KIAA0319: variants seen among roughly 807,000 people sequenced by gnomAD.
KIAA0319 encodes the protein KIAA0319.
A neutral mutation model predicts 108.4 loss-of-function variants in KIAA0319; 83 were observed. That is an observed-to-expected ratio of 0.77 (90% CI 0.64 to 0.92). KIAA0319 has a LOEUF of 0.92. KIAA0319 is among the 40% of genes least tolerant of loss of function. The pLI is 0.00. For missense variants in KIAA0319, 1,195 were observed against 1,322.4 expected, an observed-to-expected ratio of 0.90 and a Z score of 1.49; for synonymous variants, 484 against 510.4, an observed-to-expected ratio of 0.95 and a Z score of 0.70.
intron 3 of KIAA0319, 44 bp downstream of exon 3, chr6:24,595,803 AACTCAGCCCCTCCTACGGTCTGCCCC>A (rs2127521751): frequency 2.0e-6 from 3 of 1,497,870 alleles, no homozygotes; most frequent in African/African-American, 1.4e-5. Context: ...CGGCTCCTGA[AACTCAGCCCCTCCTACGGTCTGCCCC>A]ACTCAGCCCA....
chr6:24,630,150 G>A (rs1335671638), intron 1 of KIAA0319, among the ~76,000 whole-genome samples: 2 of 151,994 alleles, frequency 1.3e-5, no homozygotes, highest in Non-Finnish European at 2.9e-5. Context: ...CTGCACTCTA[G>A]CCTGGGTGAC....
Position 24,578,186 on chromosome 6 carries a change from A to AGG in KIAA0319, c.1427_1428dup (p.Phe477ProfsTer3). The AGG allele has an allele frequency of 6.3e-7, 1 of 1,598,272 alleles. No homozygotes were observed. Among genetic ancestry groups the AGG allele is most frequent in the Non-Finnish European group, 8.6e-7 (1 of 1,165,972 alleles). Reference sequence around the variant, plus strand: ...TCAACTGAAGTCTTCTCTTCTATGAAGGGCCCGTTTATTTCTTCCCAATGA... The same window carrying AGG: ...TCAACTGAAGTCTTCTCTTCTATGAAGGGGGCCCGTTTATTTCTTCCCAATGA... On this transcript the variant is annotated frameshift_variant, in exon 9 of 21. Transcript: ENST00000378214. LOFTEE classifies it high-confidence loss of function.
chr6:24,572,791 T>G (rs1465195632), intron 10 of KIAA0319, 93 bp from the exon 11 acceptor site: 9 of 1,194,274 alleles, frequency 7.5e-6, no homozygotes, highest in Non-Finnish European at 9.1e-6. Context: ...AAACTAACAA[T>G]TTTACTTAAT....
intron 1 of KIAA0319, among the ~76,000 whole-genome samples, chr6:24,643,206 G>A (rs1777187937): frequency 6.6e-6 from 1 of 152,162 alleles, no homozygotes; most frequent in Non-Finnish European, 1.5e-5. Context: ...GATGCCAGAT[G>A]TTACTCTGGC....
chr6:24,583,591 G>T lies in KIAA0319; in HGVS notation c.1093+13C>A. ...CAGTTCCTAGTGGTCAGGGAGGAAG[G>T]TTAAACTCTCACCTACAGGTGGCGC... On this transcript the variant is annotated intron_variant, in intron 5 of 20. Coordinates refer to ENST00000378214, the MANE Select transcript of KIAA0319 (RefSeq NM_014809.4). 6.3e-7 allele frequency: 1 copy of T among 1,589,242 alleles called. No individual in the cohort carries two copies. Among genetic ancestry groups the T allele is most frequent in the Non-Finnish European group, 8.6e-7 (1 of 1,157,956 alleles).
At position 24,621,371 on chromosome 6, in the gene KIAA0319, G is replaced by C. The variant is rs116202062; in HGVS notation, c.-105-20163C>G. On this transcript the variant is annotated intron_variant, in intron 1 of 20. Transcript: ENST00000378214. ...TTGCAGCAACAGACCAAGCCCCCAA[G>C]TGTTCATTAAAAAGAGAATTGAGCT... Among the ~76,000 whole-genome samples, 1,106 of 152,218 alleles carry C rather than the reference G, an allele frequency of 7.3e-3. 13 individuals are homozygous for C. The highest frequency in any genetic ancestry group is 7.6e-3 in the Non-Finnish European group (516 of 68,030).
At chr6:24,626,440 G>A (rs1055283631) in intron 1 of KIAA0319, among the ~76,000 whole-genome samples, 4 of 152,150 alleles carry the variant, frequency 2.6e-5, no homozygotes, top group Non-Finnish European at 4.4e-5. Context: ...GCTGAGGCAC[G>A]AGAATCGCTT....
In KIAA0319 at chr6:24,547,238, CCT is replaced by C. The variant is rs1438254833; in HGVS notation, c.3144_3145del (p.Gly1049GlufsTer54). 3.1e-6 allele frequency: 5 copies of C among 1,614,092 alleles called. No homozygotes were observed. Among genetic ancestry groups the C allele is most frequent in the Admixed American group, 3.3e-5 (2 of 60,010 alleles). On this transcript the variant is annotated frameshift_variant, in exon 21 of 21. Coordinates refer to ENST00000378214, the MANE Select transcript of KIAA0319 (RefSeq NM_014809.4). LOFTEE classifies it low-confidence loss of function (END_TRUNC). ...ACCATTCATGGAAACCTTTGGATTC[CCT>C]CTCTCCATCTTTTCTCGGCTGAAGA...
At chr6:24,558,222 G>C (rs1762569002) in intron 17 of KIAA0319, among the ~76,000 whole-genome samples, 1 of 151,762 alleles carries the variant, frequency 6.6e-6, no homozygotes, top group Non-Finnish European at 1.5e-5. Flanking sequence ...GGCCAACATG[G>C]CTAAGGCTCT....
In KIAA0319 at chr6:24,601,192, A is replaced by G; in HGVS notation, c.-89T>C. The G allele has an allele frequency of 6.4e-7, 1 of 1,565,640 alleles. No individual in the cohort carries two copies. Among genetic ancestry groups the G allele is most frequent in the South Asian group, 1.2e-5 (1 of 83,640 alleles). ...CTTCCTTTGATGTTTTTTAGGAGCC[A>G]GATTTGGCCTCAAGAACTTCAAAGG... On this transcript the variant is annotated 5_prime_UTR_variant, in exon 2 of 21. Transcript: ENST00000378214.
At chr6:24,605,330 A>T (rs897336614) in intron 1 of KIAA0319, among the ~76,000 whole-genome samples, 3 of 152,048 alleles carry the variant, frequency 2.0e-5, no homozygotes, top group Non-Finnish European at 4.4e-5. Context: ...TCACTGTGGC[A>T]CCCCCACCCT....
At chr6:24,561,934 C>G (rs1392938541) in intron 16 of KIAA0319, among the ~76,000 whole-genome samples, 1 of 152,216 alleles carries the variant, frequency 6.6e-6, no homozygotes, top group Non-Finnish European at 1.5e-5. Context: ...AACTCCTGAC[C>G]TCAAGTGATC....
intron 1 of KIAA0319, among the ~76,000 whole-genome samples, chr6:24,618,101 T>G (rs1773418765): frequency 6.6e-6 from 1 of 152,160 alleles, no homozygotes; most frequent in Admixed American, 6.5e-5. Context: ...GATAAACTTC[T>G]CCTTCAAGAA....
At chr6:24,619,760 T>G (rs1773660904) in intron 1 of KIAA0319, among the ~76,000 whole-genome samples, 1 of 152,238 alleles carries the variant, frequency 6.6e-6, no homozygotes, top group Admixed American at 6.5e-5. Context: ...CCTAGTCACA[T>G]GCATCTGCAG....
intron 11 of KIAA0319, 97 bp downstream of exon 11, chr6:24,572,478 G>T (rs1249710379): frequency 7.2e-7 from 1 of 1,397,166 alleles, no homozygotes; most frequent in Non-Finnish European, 9.7e-7. Context: ...GGCACCCACA[G>T]GCCGGTACCA....
At chr6:24,576,346 G>A in intron 10 of KIAA0319, 22 bp downstream of exon 10, 1 of 1,593,528 alleles carries the variant, frequency 6.3e-7, no homozygotes, top group Admixed American at 1.7e-5. Context: ...ACAAAAGTCT[G>A]AAGGCAGGAT....
At chr6:24,543,398 G>T (rs567511718), downstream of KIAA0319, among the ~76,000 whole-genome samples, 1 of 152,154 alleles carries the variant, frequency 6.6e-6, no homozygotes, top group Non-Finnish European at 1.5e-5. Context: ...TGTATTATGT[G>T]CAGTTTACTG....
chr6:24,559,996 T>A (rs948569296), intron 16 of KIAA0319, among the ~76,000 whole-genome samples: 3 of 152,240 alleles, frequency 2.0e-5, no homozygotes, highest in Admixed American at 6.5e-5. Context: ...CTTACCATCA[T>A]GTTTTCAAAG....
rs1760630240 is a variant in KIAA0319, at chr6:24,546,351, T to C, written c.*814A>G. ...ATGCTTAATGAATTAATCACTTCTATTGCATTTAATGTAAACTGGGGATCC... is the reference window on the plus strand; with the variant it reads ...ATGCTTAATGAATTAATCACTTCTACTGCATTTAATGTAAACTGGGGATCC... On this transcript the variant is annotated 3_prime_UTR_variant, in exon 21 of 21. Coordinates refer to ENST00000378214, the MANE Select transcript of KIAA0319 (RefSeq NM_014809.4). 1 of 152,106 alleles carries C rather than the reference T, an allele frequency of 6.6e-6. No homozygotes were observed. The highest frequency in any genetic ancestry group is 1.5e-5 in the Non-Finnish European group (1 of 68,028). 9.4% of individuals were successfully genotyped at this position (152,106 alleles called of 1,614,324 possible).
Sources: gnomAD v4.1 joint callset for allele counts (sites outside exome capture counted in the v4.1 genomes callset) on GRCh38, gnomAD v4.1.1 for gene constraint, MANE v1.5 for transcripts, NCBI Gene and HGNC (gene_info 2026-07-23, HGNC 2026-07-21) for gene names.